SYNE1: variants seen among roughly 807,000 people sequenced by gnomAD.
The protein encoded by SYNE1 is spectrin repeat containing nuclear envelope protein 1, also known as nesprin-1.
Under a neutral mutation model 1,111.0 loss-of-function variants are expected in SYNE1, and 616 were observed. The ratio of observed to expected loss-of-function variants is 0.55; its 90% CI spans 0.52 to 0.59. The LOEUF (loss-of-function observed/expected upper bound fraction) is 0.59. Ranked by LOEUF, SYNE1 falls within the 20% of genes least tolerant of loss-of-function variation. The probability of loss-of-function intolerance (pLI) is 0.00; values close to 1 mark genes in which losing one functional copy is unlikely to be tolerated. For missense variants in SYNE1, 10,006 were observed against 10,417.0 expected, an observed-to-expected ratio of 0.96 and a Z score of 1.72; for synonymous variants, 3,855 against 3,825.8, an observed-to-expected ratio of 1.01 and a Z score of -0.28.
intron 124 of SYNE1, among the ~76,000 whole-genome samples, chr6:152,211,199 A>G (rs896353715): frequency 1.3e-5 from 2 of 152,210 alleles, no homozygotes; most frequent in African/African-American, 4.8e-5. Context: ...GGTCATTGAT[A>G]TGGTTCATGC....
At chr6:152,359,632 GTGTGTGT>G (rs2096898302) in intron 64 of SYNE1, among the ~76,000 whole-genome samples, 174 bp from the exon 65 acceptor site, 1 of 146,264 alleles carries the variant, frequency 6.8e-6, no homozygotes, top group African/African-American at 2.6e-5. Flanking sequence ...ATGCATGGGT[GTGTGTGT>G]GTGTGTGTGT....
At chr6:152,433,619 A>C in intron 34 of SYNE1, 176 bp downstream of exon 34, 1 of 656,494 alleles carries the variant, frequency 1.5e-6, no homozygotes. Flanking sequence ...TCCAACTATA[A>C]ATGTTGCCCA....
chr6:152,323,629 T>A lies in SYNE1; in HGVS notation c.15766A>T (p.Thr5256Ser), dbSNP rs764384487. Residue 5256 changes from threonine (T) to serine (S), a missense_variant, in exon 82 of 146, where the codon ACG (threonine) becomes TCG (serine). Thr to Ser is a moderately conservative substitution (Grantham distance 58, BLOSUM62 1). Coordinates refer to ENST00000367255, the MANE Select transcript of SYNE1 (RefSeq NM_182961.4). ...TGCTGCTCCAGCTCCAGAACGAACG[T>A]GTCGTGGTATTCAAGAAGAGTTAAG... Reference protein sequence around the residue: ...ELLTLLEYHDTFVLELEQQQS... With the variant: ...ELLTLLEYHDSFVLELEQQQS... The A allele has an allele frequency of 1.2e-6, 2 of 1,614,200 alleles. No homozygotes were observed. The highest frequency in any genetic ancestry group is 2.2e-5 in the East Asian group (1 of 44,880).
intron 2 of SYNE1, among the ~76,000 whole-genome samples, chr6:152,631,854 T>A (rs2099698475): frequency 6.6e-6 from 1 of 152,106 alleles, no homozygotes; most frequent in Non-Finnish European, 1.5e-5. Flanking sequence ...AGGTTTTACA[T>A]CCAAACACTC....
chr6:152,356,237 C>T (rs1327201354), intron 66 of SYNE1, among the ~76,000 whole-genome samples: 1 of 151,758 alleles, frequency 6.6e-6, no homozygotes, highest in Non-Finnish European at 1.5e-5. Context: ...ATGGGTGTGG[C>T]TGCATTCCAA....
chr6:152,241,305 G>T (rs1168298009), intron 107 of SYNE1, among the ~76,000 whole-genome samples: 1 of 151,916 alleles, frequency 6.6e-6, no homozygotes. Context: ...GAAAAAATAG[G>T]AACGACAATT....
chr6:152,577,735 C>T (rs1347907822), intron 3 of SYNE1, among the ~76,000 whole-genome samples: 1 of 151,720 alleles, frequency 6.6e-6, no homozygotes, highest in Non-Finnish European at 1.5e-5. Context: ...TTCACTTAGA[C>T]TGTATCACAA....
chr6:152,412,956 A>T (rs1223890896), intron 42 of SYNE1, among the ~76,000 whole-genome samples: 1 of 149,622 alleles, frequency 6.7e-6, no homozygotes, highest in African/African-American at 2.5e-5. Flanking sequence ...GGTTCAAGTG[A>T]TTCTCCTGCC....
chr6:152,210,280 G>C (rs1053628061), intron 124 of SYNE1, among the ~76,000 whole-genome samples: 3 of 151,982 alleles, frequency 2.0e-5, no homozygotes, highest in African/African-American at 7.3e-5. Flanking sequence ...GTATTGAAAA[G>C]TTAATAGATG....
chr6:152,356,557 A>C (rs932772482), intron 66 of SYNE1, among the ~76,000 whole-genome samples: 1 of 148,970 alleles, frequency 6.7e-6, no homozygotes, highest in African/African-American at 2.4e-5. Context: ...AAAAATATAT[A>C]AACTATATAT....
chr6:152,523,421 T>G (rs2099149775), intron 5 of SYNE1, among the ~76,000 whole-genome samples: 2 of 152,320 alleles, frequency 1.3e-5, no homozygotes, highest in Admixed American at 6.5e-5. Flanking sequence ...ATGTATCTAC[T>G]TTTATACCAG....
At chr6:152,424,992 T>G (rs1017480581) in intron 39 of SYNE1, among the ~76,000 whole-genome samples, 21 of 152,216 alleles carry the variant, frequency 1.4e-4, no homozygotes, top group African/African-American at 4.8e-4. Flanking sequence ...AAGATCTATA[T>G]TAAAATGAAA....
intron 126 of SYNE1, among the ~76,000 whole-genome samples, chr6:152,205,907 A>G (rs1587786993): frequency 6.6e-6 from 1 of 152,340 alleles, no homozygotes; most frequent in East Asian, 1.9e-4. Flanking sequence ...ACTGGTCATT[A>G]ATCAGAATTC....
rs2099133970 is a variant in SYNE1, at chr6:152,520,557, G to A, written c.226-15C>T. On this transcript the variant is annotated splice_polypyrimidine_tract_variant and intron_variant, in intron 5 of 145. Coordinates refer to ENST00000367255, the MANE Select transcript of SYNE1 (RefSeq NM_182961.4). ...TGTTCACAAGGCTGTAAAAAGTGGG[G>A]TAAAAAAGGGAATGAGACAAAATCT... 8 of 1,613,018 alleles carry A rather than the reference G, an allele frequency of 5.0e-6. No individual in the cohort carries two copies. Among genetic ancestry groups the A allele is most frequent in the Admixed American group, 1.7e-5 (1 of 59,930 alleles).
In SYNE1 at chr6:152,358,353, T is replaced by C. The variant is rs370822005; in HGVS notation, c.10608+20A>G. On this transcript the variant is annotated intron_variant, in intron 66 of 145. Coordinates refer to ENST00000367255, the MANE Select transcript of SYNE1 (RefSeq NM_182961.4). ...ATTCAGAATGAAGATTCCTTTGTTT[T>C]AGGATAAAGGAGGCCTTACCTGAAG... is the stretch of plus-strand genomic sequence containing the variant. 1.2e-6 allele frequency: 2 copies of C among 1,614,040 alleles called. No individual in the cohort carries two copies. Among genetic ancestry groups the C allele is most frequent in the African/African-American group, 2.7e-5 (2 of 74,948 alleles).
At chr6:152,472,273 C>T (rs776625103) in intron 15 of SYNE1, 28 bp downstream of exon 15, 28 of 1,570,262 alleles carry the variant, frequency 1.8e-5, no homozygotes, top group Non-Finnish European at 2.3e-5. Flanking sequence ...TAAAAAGAGA[C>T]TTCCTTTAAA....
At position 152,456,270 on chromosome 6, in the gene SYNE1, GTT is replaced by G. The variant is rs10714693; in HGVS notation, c.2569-228_2569-227del. ...ATAAGGCATTTAAATGTTACAAAGAGTTTTTTTTTTTGAGATTTTTAAATACC... is the reference window on the plus strand; with the variant it reads ...ATAAGGCATTTAAATGTTACAAAGAGTTTTTTTTTGAGATTTTTAAATACC... On this transcript the variant is annotated intron_variant, in intron 22 of 145. Coordinates refer to ENST00000367255, the MANE Select transcript of SYNE1 (RefSeq NM_182961.4). Among the ~76,000 whole-genome samples, 1,035 of 148,686 alleles carry G rather than the reference GTT, an allele frequency of 7.0e-3. 13 individuals are homozygous for G. Among genetic ancestry groups the G allele is most frequent in the African/African-American group, 0.024 (988 of 40,836 alleles).
intron 39 of SYNE1, among the ~76,000 whole-genome samples, chr6:152,422,872 C>T (rs6913500): frequency 0.27 from 41,310 of 152,092 alleles, 6,913 homozygotes; most frequent in African/African-American, 0.47. Flanking sequence ...CACATTAATA[C>T]GTGAAATGTT....
chr6:152,266,055 T>C (rs2153665823), intron 100 of SYNE1, among the ~76,000 whole-genome samples: 1 of 152,306 alleles, frequency 6.6e-6, no homozygotes, highest in Non-Finnish European at 1.5e-5. Flanking sequence ...CAGGCTGAGC[T>C]GTTATCAACT....
Sources: gnomAD v4.1 joint callset for allele counts (sites outside exome capture counted in the v4.1 genomes callset) on GRCh38, gnomAD v4.1.1 for gene constraint, MANE v1.5 for transcripts, NCBI Gene and HGNC (gene_info 2026-07-23, HGNC 2026-07-21) for gene names.